Variants in PTPRD observed in about 807,000 individuals in gnomAD.
PTPRD encodes protein tyrosine phosphatase receptor type D.
A neutral mutation model predicts 214.5 loss-of-function variants in PTPRD; 34 were observed. The observed-to-expected ratio is 0.16, with a 90% CI of 0.12 to 0.21. The LOEUF (loss-of-function observed/expected upper bound fraction) is 0.21, where lower values mean the gene tolerates loss of function less well. Ranked by LOEUF, PTPRD falls within the 10% of genes least tolerant of loss-of-function variation. The probability of loss-of-function intolerance (pLI) is 1.00; values close to 1 mark genes in which losing one functional copy is unlikely to be tolerated. For synonymous variants in PTPRD, 1,128 were observed against 845.7 expected, an observed-to-expected ratio of 1.33 and a Z score of -5.79; for missense variants, 2,545 against 2,398.7, an observed-to-expected ratio of 1.06 and a Z score of -1.27.
In PTPRD at chr9:8,616,257, G is replaced by A. The variant is rs73423259; in HGVS notation, c.352+17060C>T. On this transcript the variant is annotated intron_variant, in intron 14 of 45. Coordinates refer to ENST00000381196, the MANE Select transcript of PTPRD (RefSeq NM_002839.4). ...ATGAACTTATCAGAAAGACAAAAGC[G>A]TCCACACTAAGCTTATGGGAATGTC... Among the ~76,000 whole-genome samples, 1,035 of 152,100 alleles carry A rather than the reference G, an allele frequency of 6.8e-3. 8 individuals are homozygous for A. Among genetic ancestry groups the A allele is most frequent in the African/African-American group, 0.024 (992 of 41,512 alleles).
chr9:8,703,367 T>G (rs1161413679), intron 12 of PTPRD, among the ~76,000 whole-genome samples: 1 of 152,246 alleles, frequency 6.6e-6, no homozygotes, highest in Non-Finnish European at 1.5e-5. Context: ...CAGAATTCTC[T>G]GTTCCACTTC....
chr9:9,675,725 CT>C (rs1419738500), intron 7 of PTPRD, among the ~76,000 whole-genome samples: 1 of 151,926 alleles, frequency 6.6e-6, no homozygotes, highest in Non-Finnish European at 1.5e-5. Flanking sequence ...CACCAAAATG[CT>C]TGTATTGGTG....
chr9:10,025,623 G>A (rs1174542185), intron 4 of PTPRD, among the ~76,000 whole-genome samples: 1 of 152,118 alleles, frequency 6.6e-6, no homozygotes, highest in Non-Finnish European at 1.5e-5. Context: ...TTTCAAATAC[G>A]ATGCAAATTT....
At position 8,888,549 on chromosome 9, in the gene PTPRD, A is replaced by G. The variant is rs544855649; in HGVS notation, c.-104+130148T>C. ...TCTCCCTCGTGTGAAACCAAAATTC[A>G]TAAGAGGGGCTTTTATGAAAGGTTT... On this transcript the variant is annotated intron_variant, in intron 11 of 45. Coordinates refer to ENST00000381196, the MANE Select transcript of PTPRD (RefSeq NM_002839.4). 3.9e-5 allele frequency among the ~76,000 whole-genome samples: 6 copies of G among 152,354 alleles called. No homozygotes were observed. The South Asian group carries it at 1.0e-3, about 26-fold the overall frequency.
At chr9:9,722,826 C>T (rs1014497743) in intron 7 of PTPRD, among the ~76,000 whole-genome samples, 14 of 152,100 alleles carry the variant, frequency 9.2e-5, no homozygotes, top group Admixed American at 8.5e-4. Context: ...TTTTCATATG[C>T]TTTTGACCAT....
At chr9:10,052,946 A>G (rs939880597) in intron 3 of PTPRD, among the ~76,000 whole-genome samples, 44 of 152,178 alleles carry the variant, frequency 2.9e-4, no homozygotes, top group African/African-American at 1.0e-3. Flanking sequence ...TTTTTATATT[A>G]TATTTCAATA....
chr9:8,558,180 A>C (rs1420749818), intron 14 of PTPRD, among the ~76,000 whole-genome samples: 1 of 152,194 alleles, frequency 6.6e-6, no homozygotes, highest in Non-Finnish European at 1.5e-5. Flanking sequence ...TTAAACTTTA[A>C]ATGAATACTC....
intron 12 of PTPRD, among the ~76,000 whole-genome samples, chr9:8,718,011 A>C (rs2098454777): frequency 6.6e-6 from 1 of 152,204 alleles, no homozygotes. Context: ...CCTGCAACAT[A>C]GTGAGCACTA....
At chr9:9,421,188 A>G (rs1054767901) in intron 8 of PTPRD, among the ~76,000 whole-genome samples, 19 of 151,984 alleles carry the variant, frequency 1.3e-4, no homozygotes, top group Admixed American at 1.2e-3. Flanking sequence ...CTGCCTTTAT[A>G]TATTGCCTTT....
At chr9:8,411,831 C>G (rs2093557250) in intron 35 of PTPRD, among the ~76,000 whole-genome samples, 1 of 152,036 alleles carries the variant, frequency 6.6e-6, no homozygotes, top group Non-Finnish European at 1.5e-5. Flanking sequence ...TTCTTCACAT[C>G]TTTGAATTCT....
At chr9:9,390,855 TC>T (rs1189815151) in intron 9 of PTPRD, among the ~76,000 whole-genome samples, 1 of 152,178 alleles carries the variant, frequency 6.6e-6, no homozygotes, top group African/African-American at 2.4e-5. Context: ...AGTAAATCCA[TC>T]TTACATGCTG....
At chr9:9,911,423 A>G (rs896075336) in intron 5 of PTPRD, among the ~76,000 whole-genome samples, 1 of 152,132 alleles carries the variant, frequency 6.6e-6, no homozygotes, top group African/African-American at 2.4e-5. Flanking sequence ...AGGCATTTAG[A>G]AACGCAAATA....
In PTPRD at chr9:10,186,032, T is replaced by C. The variant is rs542342839; in HGVS notation, c.-544-152242A>G. ...TGAGAGGTAGTATTGACAATTTCACTTGTATACCAGAACATGCACAGTGGT... is the reference window on the plus strand; with the variant it reads ...TGAGAGGTAGTATTGACAATTTCACCTGTATACCAGAACATGCACAGTGGT... On this transcript the variant is annotated intron_variant, in intron 3 of 45. Transcript: ENST00000381196. 2.6e-5 allele frequency among the ~76,000 whole-genome samples: 4 copies of C among 152,240 alleles called. No homozygotes were observed. The South Asian group carries it at 8.3e-4, about 32-fold the overall frequency.
intron 6 of PTPRD, among the ~76,000 whole-genome samples, chr9:9,748,438 A>G (rs1213742630): frequency 6.6e-6 from 1 of 152,234 alleles, no homozygotes; most frequent in Non-Finnish European, 1.5e-5. Flanking sequence ...TCAGAAACCA[A>G]GATCAAAATA....
intron 8 of PTPRD, among the ~76,000 whole-genome samples, chr9:9,542,437 C>T (rs2077811945): frequency 6.6e-6 from 1 of 151,600 alleles, no homozygotes; most frequent in South Asian, 2.1e-4. Flanking sequence ...AAATAAAAAA[C>T]ACTAACAATA....
At chr9:10,065,453 T>A (rs443683) in intron 3 of PTPRD, among the ~76,000 whole-genome samples, 29,588 of 151,762 alleles carry the variant, frequency 0.19, 6,735 homozygotes, top group African/African-American at 0.55. Context: ...GCTTTTTTTT[T>A]ATTTTTTTTC....
At chr9:8,837,803 G>A (rs1295511384) in intron 11 of PTPRD, among the ~76,000 whole-genome samples, 1 of 152,116 alleles carries the variant, frequency 6.6e-6, no homozygotes, top group Non-Finnish European at 1.5e-5. Flanking sequence ...CAGCCAGCCT[G>A]ATATTCCCTT....
intron 9 of PTPRD, among the ~76,000 whole-genome samples, chr9:9,367,279 A>G (rs540003580): frequency 6.6e-6 from 1 of 151,696 alleles, no homozygotes; most frequent in South Asian, 2.1e-4. Context: ...TGGAAGGAAA[A>G]CAAGAATACA....
chr9:8,997,476 A>G (rs976261845), intron 11 of PTPRD, among the ~76,000 whole-genome samples: 1 of 152,074 alleles, frequency 6.6e-6, no homozygotes, highest in Non-Finnish European at 1.5e-5. Context: ...GTTGTGGGGC[A>G]CCACAAACCA....
Sources: allele counts gnomAD v4.1 joint callset (sites outside exome capture counted in the v4.1 genomes callset), GRCh38; gene constraint gnomAD v4.1.1; transcripts MANE v1.5; gene names NCBI Gene and HGNC (gene_info 2026-07-23, HGNC 2026-07-21).